The following MACROD2 variants were observed in gnomAD, a reference collection of about 807,000 sequenced individuals.
MACROD2 encodes the protein mono-ADP ribosylhydrolase 2.
A neutral mutation model predicts 70.4 loss-of-function variants in MACROD2; 36 were observed. That is an observed-to-expected ratio of 0.51 (90% confidence interval 0.39 to 0.68). MACROD2 has a LOEUF of 0.68. Among genes scored for constraint, MACROD2 ranks in the 30% least tolerant of loss-of-function variants. The pLI is 0.00. For synonymous variants in MACROD2, 172 were observed against 178.8 expected (o/e 0.96, Z 0.30); for missense variants, 496 against 538.4 (o/e 0.92, Z 0.78).
chr20:15,367,909 T>C (rs931956491), intron 6 of MACROD2, among the ~76,000 whole-genome samples: 3 of 152,200 alleles, frequency 2.0e-5, no homozygotes. Context: ...TATATTTTTT[T>C]CAATTTTAGA....
chr20:15,605,114 T>C (rs1255028443), intron 8 of MACROD2, among the ~76,000 whole-genome samples: 1 of 152,212 alleles, frequency 6.6e-6, no homozygotes, highest in Non-Finnish European at 1.5e-5. Flanking sequence ...CACACTAATA[T>C]GTCGTTTCAG....
intron 10 of MACROD2, among the ~76,000 whole-genome samples, chr20:15,902,180 G>T (rs1223203788): frequency 6.6e-6 from 1 of 152,156 alleles, no homozygotes; most frequent in Non-Finnish European, 1.5e-5. Flanking sequence ...AACCACATCA[G>T]CATAGCTGCC....
chr20:15,298,369 C>T (rs887470026), intron 6 of MACROD2, among the ~76,000 whole-genome samples: 1 of 152,284 alleles, frequency 6.6e-6, no homozygotes, highest in African/African-American at 2.4e-5. Context: ...CGCTGGCTGT[C>T]CATACTGCTC....
chr20:14,882,993 G>A lies in MACROD2; in HGVS notation c.418+198034G>A, dbSNP rs993891748. ...CCACATTTTTGTGATGGGGTGTTTG[G>A]AATTAATTCATCTTCATGAAACAGA... On this transcript the variant is annotated intron_variant, in intron 5 of 17. Transcript: ENST00000684519. Among the ~76,000 whole-genome samples, 11 of 152,092 alleles carry A rather than the reference G, an allele frequency of 7.2e-5. 1 individual carries two copies. Among genetic ancestry groups the A allele is most frequent in the Admixed American group, 5.2e-4 (8 of 15,274 alleles).
chr20:14,276,525 C>G (rs1157112126), intron 3 of MACROD2, among the ~76,000 whole-genome samples: 1 of 147,990 alleles, frequency 6.8e-6, no homozygotes, highest in African/African-American at 2.5e-5. Context: ...ATACCTAATG[C>G]TAAATGACGA....
At chr20:14,265,143 G>T (rs2082133474) in intron 3 of MACROD2, among the ~76,000 whole-genome samples, 1 of 152,116 alleles carries the variant, frequency 6.6e-6, no homozygotes, top group African/African-American at 2.4e-5. Context: ...ATAACCTTAG[G>T]GTCCAGTTTT....
chr20:15,718,642 C>T (rs2050740762), intron 8 of MACROD2, among the ~76,000 whole-genome samples: 1 of 152,108 alleles, frequency 6.6e-6, no homozygotes, highest in Non-Finnish European at 1.5e-5. Context: ...GTCTTGAACG[C>T]CCAGAGGGAA....
At chr20:15,541,825 A>G (rs1450689565) in intron 8 of MACROD2, among the ~76,000 whole-genome samples, 7 of 152,218 alleles carry the variant, frequency 4.6e-5, no homozygotes, top group Non-Finnish European at 8.8e-5. Context: ...TTTGAAAAGA[A>G]TCTCAATAGC....
chr20:15,747,507 G>A (rs1209355707), intron 8 of MACROD2, among the ~76,000 whole-genome samples: 2 of 152,162 alleles, frequency 1.3e-5, no homozygotes, highest in Non-Finnish European at 2.9e-5. Context: ...ATTCCTGGAT[G>A]AACCCAGTAG....
chr20:14,178,726 C>CTTT (rs79773305), intron 3 of MACROD2, among the ~76,000 whole-genome samples: 85 of 102,952 alleles, frequency 8.3e-4, no homozygotes, highest in African/African-American at 1.1e-3. Context: ...GCCAAGTCAG[C>CTTT]TTTTTTTTTT....
At chr20:14,570,388 G>T (rs1375825094) in intron 4 of MACROD2, among the ~76,000 whole-genome samples, 1 of 151,964 alleles carries the variant, frequency 6.6e-6, no homozygotes, top group East Asian at 1.9e-4. Context: ...CTTCTTGAGT[G>T]CTGGTGGTCT....
At chr20:16,009,996 G>A (rs376476278) in intron 15 of MACROD2, among the ~76,000 whole-genome samples, 5 of 152,128 alleles carry the variant, frequency 3.3e-5, no homozygotes, top group African/African-American at 1.2e-4. Flanking sequence ...ATCCTTGTAG[G>A]TCATTCCTGA....
At chr20:15,998,404 T>C (rs532183451) in intron 15 of MACROD2, among the ~76,000 whole-genome samples, 1 of 152,316 alleles carries the variant, frequency 6.6e-6, no homozygotes, top group South Asian at 2.1e-4. Flanking sequence ...GATTCAGCCA[T>C]GTTAGATTGT....
chr20:15,281,218 T>C (rs1250336557), intron 6 of MACROD2, among the ~76,000 whole-genome samples: 2 of 152,086 alleles, frequency 1.3e-5, no homozygotes, highest in East Asian at 3.9e-4. Flanking sequence ...GGGTGAGATT[T>C]GGGTGGGGAC....
At chr20:14,718,852 T>C (rs531466112) in intron 5 of MACROD2, among the ~76,000 whole-genome samples, 1 of 152,336 alleles carries the variant, frequency 6.6e-6, no homozygotes, top group African/African-American at 2.4e-5. Context: ...TTATTCATTG[T>C]TCCTGTGTTT....
intron 15 of MACROD2, among the ~76,000 whole-genome samples, chr20:16,039,953 A>T (rs1354026071): frequency 6.6e-6 from 1 of 151,404 alleles, no homozygotes; most frequent in Non-Finnish European, 1.5e-5. Flanking sequence ...ATGTTACCCT[A>T]TCTTGGTGTC....
intron 5 of MACROD2, among the ~76,000 whole-genome samples, chr20:15,191,760 T>G (rs1169470855): frequency 6.6e-6 from 1 of 152,170 alleles, no homozygotes; most frequent in Non-Finnish European, 1.5e-5. Context: ...TATGCCTTTC[T>G]GAGCATTGCA....
intron 10 of MACROD2, among the ~76,000 whole-genome samples, chr20:15,916,859 G>C (rs1260166129): frequency 6.6e-6 from 1 of 152,188 alleles, no homozygotes; most frequent in Non-Finnish European, 1.5e-5. Context: ...CGGTTTCCTA[G>C]GCTGAGTCAT....
chr20:14,941,569 A>G (rs1212033672), intron 5 of MACROD2, among the ~76,000 whole-genome samples: 3 of 152,102 alleles, frequency 2.0e-5, no homozygotes, highest in Middle Eastern at 3.2e-3. Flanking sequence ...TCTTACTGTC[A>G]TCTTGGAGTT....
Sources: gnomAD v4.1 joint callset for allele counts (sites outside exome capture counted in the v4.1 genomes callset) on GRCh38, gnomAD v4.1.1 for gene constraint, MANE v1.5 for transcripts, NCBI Gene and HGNC (gene_info 2026-07-23, HGNC 2026-07-21) for gene names.